Variants in CDCA7L observed in about 807,000 individuals in gnomAD.
The protein encoded by CDCA7L is cell division cycle-associated 7-like protein.
In CDCA7L, 44 loss-of-function variants were observed where a neutral mutation model predicts 57.4. The ratio of observed to expected loss-of-function variants is 0.77; its 90% CI spans 0.60 to 0.98. The LOEUF is 0.98. Among genes scored for constraint, CDCA7L ranks in the 50% least tolerant of loss-of-function variants. The pLI, the probability that CDCA7L is intolerant of heterozygous loss-of-function variation, is 0.00. For missense variants in CDCA7L, 644 were observed against 580.6 expected, an observed-to-expected ratio of 1.11 and a Z score of -1.12; for synonymous variants, 236 against 202.8, an observed-to-expected ratio of 1.16 and a Z score of -1.39.
In CDCA7L at chr7:21,901,954, G is replaced by A; in HGVS notation, c.*368C>T. ...CACACTTGGCCTGGAGTGAGTTACTGTTTGGGAAGCCAAAGATAGATAGAT... is the reference window on the plus strand; with the variant it reads ...CACACTTGGCCTGGAGTGAGTTACTATTTGGGAAGCCAAAGATAGATAGAT... On this transcript the variant is annotated 3_prime_UTR_variant, in exon 10 of 10. Transcript: ENST00000406877. 4.7e-6 allele frequency: 1 copy of A among 214,926 alleles called. No homozygotes were observed. Among genetic ancestry groups the A allele is most frequent in the South Asian group, 6.8e-5 (1 of 14,674 alleles). The allele number at this position is 214,926 out of a possible 1,614,324, so 13.3% of individuals were successfully genotyped here. A position where few individuals can be genotyped will look rare whatever the true frequency, so the allele number is the denominator to read the frequency against.
At chr7:21,930,471 C>G (rs1302005493) in intron 1 of CDCA7L, among the ~76,000 whole-genome samples, 2 of 151,820 alleles carry the variant, frequency 1.3e-5, no homozygotes, top group African/African-American at 4.8e-5. Flanking sequence ...CCGAGGTGGG[C>G]AGATCACGAG....
At chr7:21,934,295 G>A (rs916128538) in intron 1 of CDCA7L, among the ~76,000 whole-genome samples, 36 of 152,170 alleles carry the variant, frequency 2.4e-4, no homozygotes, top group Admixed American at 1.0e-3. Context: ...TGGAAAAAGA[G>A]CTATATAGGA....
At chr7:21,920,332 C>A (rs1183720832) in intron 1 of CDCA7L, among the ~76,000 whole-genome samples, 2 of 152,178 alleles carry the variant, frequency 1.3e-5, no homozygotes, top group Non-Finnish European at 1.5e-5. Flanking sequence ...TCGTGGAATT[C>A]TCTGTGTGGG....
chr7:21,922,562 G>A (rs1372368138), intron 1 of CDCA7L, among the ~76,000 whole-genome samples: 3 of 152,156 alleles, frequency 2.0e-5, no homozygotes, highest in South Asian at 2.1e-4. Context: ...CATGCACGGT[G>A]GAACTCATAG....
intron 1 of CDCA7L, among the ~76,000 whole-genome samples, chr7:21,927,570 C>G (rs1051907074): frequency 5.9e-5 from 9 of 151,998 alleles, no homozygotes; most frequent in African/African-American, 1.9e-4. Context: ...ATGGGAGACT[C>G]AGAAAGAAAA....
chr7:21,937,386 G>C (rs1322474110), intron 1 of CDCA7L, among the ~76,000 whole-genome samples: 1 of 152,134 alleles, frequency 6.6e-6, no homozygotes, highest in Non-Finnish European at 1.5e-5. Flanking sequence ...TGAAATCCTA[G>C]CACTTTGGGA....
chr7:21,919,789 G>C (rs1322591226), intron 1 of CDCA7L, among the ~76,000 whole-genome samples: 4 of 151,866 alleles, frequency 2.6e-5, no homozygotes. Flanking sequence ...CCAAACTGAC[G>C]CCACCAATAT....
intron 1 of CDCA7L, 123 bp from the exon 2 acceptor site, chr7:21,917,017 C>T: frequency 9.5e-7 from 1 of 1,052,480 alleles, no homozygotes; most frequent in South Asian, 1.5e-5. Flanking sequence ...CCCAGAAGTC[C>T]CCAGTAACCC....
intron 1 of CDCA7L, among the ~76,000 whole-genome samples, chr7:21,921,900 T>C (rs1034032798): frequency 6.6e-5 from 10 of 152,190 alleles, no homozygotes; most frequent in Admixed American, 2.6e-4. Flanking sequence ...TCTGTCTTTA[T>C]TGGAATTAAC....
intron 1 of CDCA7L, among the ~76,000 whole-genome samples, chr7:21,926,068 T>C (rs757509031): frequency 5.3e-5 from 8 of 152,098 alleles, no homozygotes; most frequent in Non-Finnish European, 1.2e-4. Context: ...AGACCCTATC[T>C]CTATAAGAAA....
rs1447826778 is a variant in CDCA7L, at chr7:21,902,461, C to CTCCTGACACTCGAAATCCTGACAAT, written c.1335-134_1335-110dup. 6 of 1,022,344 alleles carry CTCCTGACACTCGAAATCCTGACAAT rather than the reference C, an allele frequency of 5.9e-6. No individual in the cohort carries two copies. In the African/African-American group the frequency reaches 9.5e-5, roughly 16 times the overall value. The allele number at this position is 1,022,344 out of a possible 1,614,324, so 63.3% of individuals were successfully genotyped here. On this transcript the variant is annotated intron_variant, in intron 9 of 9. Coordinates refer to ENST00000406877, the MANE Select transcript of CDCA7L (RefSeq NM_018719.5). The stretch of plus-strand genomic sequence containing the variant: ...AAGAGTACAAAGCCAGAACCCAGAT[C>CTCCTGACACTCGAAATCCTGACAAT]TCCTGACACTCGAAATCCTGACAAT...
chr7:21,908,565 A>G (rs1026030280), intron 3 of CDCA7L, 58 bp from the exon 4 acceptor site: 3 of 1,386,048 alleles, frequency 2.2e-6, no homozygotes, highest in Non-Finnish European at 1.9e-6. Context: ...CACAAAAAAG[A>G]CATGCATTTA....
chr7:21,915,635 T>TAAA (rs35601553), intron 2 of CDCA7L, among the ~76,000 whole-genome samples: 10 of 88,320 alleles, frequency 1.1e-4, no homozygotes, highest in African/African-American at 1.3e-4. Context: ...CCATCACTAC[T>TAAA]AAAAAAAAAA....
At chr7:21,924,813 A>G (rs1785773244) in intron 1 of CDCA7L, among the ~76,000 whole-genome samples, 1 of 152,230 alleles carries the variant, frequency 6.6e-6, no homozygotes, top group Non-Finnish European at 1.5e-5. Flanking sequence ...GGAAAGCCAC[A>G]CACTGGGAGA....
intron 1 of CDCA7L, among the ~76,000 whole-genome samples, chr7:21,925,332 T>A (rs1785789943): frequency 6.6e-6 from 1 of 152,166 alleles, no homozygotes. Flanking sequence ...CATCTAGCAA[T>A]TTAGCAACAT....
chr7:21,905,638 A>G lies in CDCA7L; in HGVS notation c.922-7T>C, dbSNP rs374983706. On this transcript the variant is annotated splice_polypyrimidine_tract_variant and splice_region_variant and intron_variant, in intron 6 of 9. Transcript: ENST00000406877. Reference sequence around the variant, plus strand: ...TGTACTCCCGGCATTTCCCCTGCACAATGAACACAAGCAGAACATGGAGAT... The same window carrying G: ...TGTACTCCCGGCATTTCCCCTGCACGATGAACACAAGCAGAACATGGAGAT... 157 of 1,612,770 alleles carry G rather than the reference A, an allele frequency of 9.7e-5. No individual in the cohort carries two copies. Among genetic ancestry groups the G allele is most frequent in the Middle Eastern group, 1.6e-4 (1 of 6,080 alleles).
chr7:21,936,013 G>GAATA (rs56010183), intron 1 of CDCA7L, among the ~76,000 whole-genome samples: 16,450 of 151,416 alleles, frequency 0.11, 917 homozygotes, highest in African/African-American at 0.15. Context: ...GTCTCAAAAT[G>GAATA]AATAAATAAA....
chr7:21,906,611 G>A lies in CDCA7L; in HGVS notation c.710C>T (p.Ser237Leu), dbSNP rs770755131. The A allele has an allele frequency of 8.7e-6, 14 of 1,613,926 alleles. No homozygotes were observed. The highest frequency in any genetic ancestry group is 3.3e-5 in the Admixed American group (2 of 60,006). The change falls in exon 5 of 10, where the codon TCG becomes TTG. Residue 237 changes from serine (S) to leucine (L), a missense_variant. By Grantham distance (145) the Ser-to-Leu change is moderately radical. Coordinates refer to ENST00000406877, the MANE Select transcript of CDCA7L (RefSeq NM_018719.5). ...MLAQLLAELN[S>L]MPDFFPVRTP... ...TCGTACTGGGAAGAAATCTGGCATC[G>A]AGTTCAATTCCGCCAATAACTGGGC...
Position 21,906,281 on chromosome 7 carries a change from G to C in CDCA7L, c.921+8C>G. The stretch of plus-strand genomic sequence containing the variant: ...CAAAAACTAATTCATGTATTAGTCA[G>C]AAAATACCCCAATTGTCTTCCTTCT... On this transcript the variant is annotated splice_region_variant and intron_variant, in intron 6 of 9. Coordinates refer to ENST00000406877, the MANE Select transcript of CDCA7L (RefSeq NM_018719.5). 2 of 1,585,024 alleles carry C rather than the reference G, an allele frequency of 1.3e-6. No individual in the cohort carries two copies. The highest frequency in any genetic ancestry group is 1.7e-6 in the Non-Finnish European group (2 of 1,165,806).
Sources: gnomAD v4.1 joint callset for allele counts (sites outside exome capture counted in the v4.1 genomes callset) on GRCh38, gnomAD v4.1.1 for gene constraint, MANE v1.5 for transcripts, NCBI Gene and HGNC (gene_info 2026-07-23, HGNC 2026-07-21) for gene names.